The following BCO2 variants were observed in gnomAD, a reference collection of about 807,000 sequenced individuals.
The protein encoded by BCO2 is beta-carotene oxygenase 2.
A neutral mutation model predicts 65.8 loss-of-function variants in BCO2; 56 were observed. That is an observed-to-expected ratio of 0.85 (90% CI 0.69 to 1.06). The LOEUF is 1.06. Among genes scored for constraint, BCO2 ranks in the 50% least tolerant of loss-of-function variants. The pLI is 0.00. For missense variants in BCO2, 675 were observed against 698.5 expected, an observed-to-expected ratio of 0.97 and a Z score of 0.38; for synonymous variants, 233 against 242.3, an observed-to-expected ratio of 0.96 and a Z score of 0.36.
Position 112,202,155 on chromosome 11 carries a change from C to G in BCO2, c.1159C>G (p.Gln387Glu). Residue 387 changes from glutamine to glutamate, a missense_variant, in exon 8 of 12, where the codon CAG becomes GAG. Gln to Glu is a conservative substitution (Grantham distance 29). Transcript: ENST00000357685. ...NGRTLEVYQLQNLRKAGEGLD... is the reference protein window; with the variant it reads ...NGRTLEVYQLENLRKAGEGLD... ...AAGAACCCTAGAAGTTTACCAGTTA[C>G]AGAATCTCAGGAAGGCTGGGGAAGG... 6.2e-7 allele frequency: 1 copy of G among 1,613,608 alleles called. No individual in the cohort carries two copies. The highest frequency in any genetic ancestry group is 8.5e-7 in the Non-Finnish European group (1 of 1,179,806).
At chr11:112,178,650 T>A (rs934154816) in intron 1 of BCO2, among the ~76,000 whole-genome samples, 1 of 152,250 alleles carries the variant, frequency 6.6e-6, no homozygotes, top group African/African-American at 2.4e-5. Context: ...TTTTACTTCT[T>A]GTGCCTTTTG....
intron 2 of BCO2, chr11:112,179,687 A>G (rs1056131350): frequency 9.9e-5 from 57 of 573,738 alleles, no homozygotes; most frequent in Non-Finnish European, 1.5e-5. Flanking sequence ...ACTATTGTAA[A>G]TTTGAAGCCC....
intron 8 of BCO2, among the ~76,000 whole-genome samples, chr11:112,213,222 C>T (rs919067698): frequency 2.0e-4 from 27 of 134,286 alleles, no homozygotes; most frequent in African/African-American, 7.8e-4. Context: ...CGGCTCACCG[C>T]AACTTCCACC....
At chr11:112,194,855 G>T (rs1867523360) in intron 5 of BCO2, 100 bp downstream of exon 5, 2 of 742,572 alleles carry the variant, frequency 2.7e-6, no homozygotes, top group East Asian at 2.7e-5. Flanking sequence ...GGCACAAGTA[G>T]AGAGAGGGTG....
intron 6 of BCO2, 95 bp from the exon 7 acceptor site, chr11:112,200,518 G>A (rs1018972737): frequency 6.5e-6 from 7 of 1,081,170 alleles, no homozygotes; most frequent in South Asian, 3.2e-5. Flanking sequence ...CATCAGTAAC[G>A]TGTCCAGGCA....
intron 2 of BCO2, among the ~76,000 whole-genome samples, chr11:112,182,501 C>A (rs546271188): frequency 7.9e-4 from 121 of 152,324 alleles, no homozygotes; most frequent in African/African-American, 2.7e-3. Context: ...CACATATACA[C>A]CATGGAATAC....
intron 8 of BCO2, among the ~76,000 whole-genome samples, chr11:112,209,207 G>A (rs1205650378): frequency 1.3e-5 from 2 of 152,140 alleles, no homozygotes. Flanking sequence ...ATACAGAATA[G>A]TTCACTGCCC....
At chr11:112,213,330 A>T (rs894534706) in intron 8 of BCO2, among the ~76,000 whole-genome samples, 6 of 151,454 alleles carry the variant, frequency 4.0e-5, no homozygotes, top group African/African-American at 1.5e-4. Context: ...TTTAGTAAAG[A>T]CAGGGTTTCT....
chr11:112,180,745 C>T (rs1372129195), intron 2 of BCO2: 4 of 855,544 alleles, frequency 4.7e-6, no homozygotes, highest in African/African-American at 3.3e-5. Context: ...GGGTGGTGGC[C>T]CACTCAGGAC....
chr11:112,208,780 C>G (rs916648624), intron 8 of BCO2: 1 of 186,390 alleles, frequency 5.4e-6, no homozygotes, highest in African/African-American at 2.4e-5. Flanking sequence ...AAGTAAATTA[C>G]TGGATTTGTG....
chr11:112,195,455 TA>T (rs1256164350), intron 5 of BCO2, among the ~76,000 whole-genome samples: 176 of 149,788 alleles, frequency 1.2e-3, no homozygotes, highest in South Asian at 1.9e-3. Context: ...TTTTATTTTT[TA>T]TTTTTTTTTA....
chr11:112,214,767 G>T lies in BCO2; in HGVS notation c.1338G>T (p.Trp446Cys). The T allele has an allele frequency of 2.5e-6, 4 of 1,612,320 alleles. No individual in the cohort carries two copies. The highest frequency in any genetic ancestry group is 2.5e-6 in the Non-Finnish European group (3 of 1,178,510). The part of the protein sequence containing the change: ...SAVKQADGTI[W>C]CSHENLHQED... ...CCTTTTGAAATCTCTTTTAGATCTG[G>T]TGCTCTCATGAAAATCTACATCAGG... Residue 446 changes from tryptophan to cysteine, a missense_variant, in exon 10 of 12, where the codon TGG (tryptophan) becomes TGT (cysteine). Physicochemically the swap from Trp to Cys is radical, Grantham distance 215. Coordinates refer to ENST00000357685, the MANE Select transcript of BCO2 (RefSeq NM_031938.7).
chr11:112,199,672 G>A (rs1371756826), intron 5 of BCO2, 27 bp from the exon 6 acceptor site: 1 of 1,605,768 alleles, frequency 6.2e-7, no homozygotes, highest in East Asian at 2.2e-5. Flanking sequence ...ATGTAAAACA[G>A]GTAAGATAGG....
chr11:112,195,604 G>A (rs557408139), intron 5 of BCO2, among the ~76,000 whole-genome samples: 18 of 151,960 alleles, frequency 1.2e-4, no homozygotes, highest in African/African-American at 4.1e-4. Context: ...CACCATGCCC[G>A]GCTAATTTTT....
chr11:112,204,956 C>T (rs1867830840), intron 8 of BCO2, among the ~76,000 whole-genome samples: 1 of 152,208 alleles, frequency 6.6e-6, no homozygotes, highest in Non-Finnish European at 1.5e-5. Context: ...TGAGCCACCA[C>T]ACCCAGCCTT....
intron 1 of BCO2, among the ~76,000 whole-genome samples, chr11:112,178,135 G>A (rs1459406968): frequency 1.3e-5 from 2 of 151,188 alleles, no homozygotes; most frequent in East Asian, 1.9e-4. Context: ...GACAGGTCTC[G>A]AACTCCTGAC....
rs572125412 is a variant in BCO2 at position 112,215,449 on chromosome 11, G to A, written c.1515+505G>A. On this transcript the variant is annotated intron_variant, in intron 10 of 11. Coordinates refer to ENST00000357685, the MANE Select transcript of BCO2 (RefSeq NM_031938.7). Reference sequence around the variant, plus strand: ...GTTTAGGCTGGGTGTGGTGGCTCACGCCTGTCATCTCAGCACTTTGGGAGG... The same window carrying A: ...GTTTAGGCTGGGTGTGGTGGCTCACACCTGTCATCTCAGCACTTTGGGAGG... 4.5e-3 allele frequency: 727 copies of A among 160,868 alleles called. 2 individuals are homozygous for A. Among genetic ancestry groups the A allele is most frequent in the Non-Finnish European group, 7.7e-3 (566 of 73,700 alleles). The allele number at this position is 160,868 out of a possible 1,614,324, so 10.0% of individuals were successfully genotyped here.
chr11:112,179,620 T>C, intron 2 of BCO2, 138 bp downstream of exon 2: 3 of 794,534 alleles, frequency 3.8e-6, no homozygotes, highest in Non-Finnish European at 5.9e-6. Context: ...AACTGTAGCC[T>C]AGAGGAGAAG....
chr11:112,185,846 T>G (rs1867185085), intron 2 of BCO2, among the ~76,000 whole-genome samples: 1 of 152,248 alleles, frequency 6.6e-6, no homozygotes, highest in Non-Finnish European at 1.5e-5. Flanking sequence ...TTCATACGAT[T>G]GTGCTACCAT....
Sources: gnomAD v4.1 joint callset for allele counts (sites outside exome capture counted in the v4.1 genomes callset) on GRCh38, gnomAD v4.1.1 for gene constraint, MANE v1.5 for transcripts, NCBI Gene and HGNC (gene_info 2026-07-23, HGNC 2026-07-21) for gene names.